CTIF: variants seen among roughly 807,000 people sequenced by gnomAD.
CTIF encodes CBP80/20-dependent translation initiation factor.
In CTIF, 21 loss-of-function variants were observed where a neutral mutation model predicts 66.0. The observed-to-expected ratio is 0.32, with a 90% CI of 0.23 to 0.46. The LOEUF is 0.46. Ranked by LOEUF, CTIF falls within the 20% of genes least tolerant of loss-of-function variation. The pLI is 1.00. For missense variants in CTIF, 739 were observed against 812.7 expected (o/e 0.91, Z 1.10); for synonymous variants, 345 against 326.4 (o/e 1.06, Z -0.62).
intron 1 of CTIF, among the ~76,000 whole-genome samples, chr18:48,549,037 G>A (rs2088822398): frequency 6.6e-6 from 1 of 152,120 alleles, no homozygotes; most frequent in African/African-American, 2.4e-5. Context: ...TATAAACTGA[G>A]GTTGTCCTGG....
At chr18:48,618,307 C>T (rs143860020) in intron 1 of CTIF, among the ~76,000 whole-genome samples, 11 of 152,358 alleles carry the variant, frequency 7.2e-5, no homozygotes, top group African/African-American at 2.4e-4. Context: ...GCAGCATTCA[C>T]GCTGCTCTAT....
rs1183286023 is a variant in CTIF at position 48,817,233 on chromosome 18, G to T, written c.1384G>T (p.Val462Leu). 5 of 1,613,652 alleles carry T rather than the reference G, an allele frequency of 3.1e-6. No individual in the cohort carries two copies. Among genetic ancestry groups the T allele is most frequent in the Non-Finnish European group, 4.2e-6 (5 of 1,179,932 alleles). Residue 462 changes from valine (V) to leucine (L), a missense_variant, in exon 10 of 12, where the codon GTG (valine) becomes TTG (leucine). Physicochemically the swap from Val to Leu is conservative, Grantham distance 32 (BLOSUM62 1). This residue lies in a region of CTIF where 210 missense variants were observed against 292.3 expected (regional missense o/e 0.72). Coordinates refer to ENST00000256413, the MANE Select transcript of CTIF (RefSeq NM_014772.3). ...LLNMLQKDFT[V>L]REELQQQDVE... ...CATGCCTCCACAGAAGGACTTCACG[G>T]TGCGCGAGGAGCTGCAGCAGCAGGA... is the stretch of plus-strand genomic sequence containing the variant.
chr18:48,688,015 T>A (rs1372592809), intron 6 of CTIF, among the ~76,000 whole-genome samples: 1 of 152,046 alleles, frequency 6.6e-6, no homozygotes, highest in Non-Finnish European at 1.5e-5. Context: ...AGCTTTAATC[T>A]CCTTACTTGG....
At chr18:48,758,927 C>T (rs1908686476) in intron 8 of CTIF, among the ~76,000 whole-genome samples, 1 of 152,178 alleles carries the variant, frequency 6.6e-6, no homozygotes, top group African/African-American at 2.4e-5. Context: ...CCGCCTTCAT[C>T]ACCCAGAGGC....
chr18:48,859,651 CGGGAGAAAGAAAT>C lies in CTIF; in HGVS notation c.*96_*108del. 8.1e-7 allele frequency: 1 copy of C among 1,239,226 alleles called. No homozygotes were observed. The highest frequency in any genetic ancestry group is 1.2e-6 in the Non-Finnish European group (1 of 848,470). 76.8% of individuals were successfully genotyped at this position (1,239,226 alleles called of 1,614,324 possible). A position where few individuals can be genotyped will look rare whatever the true frequency, so the allele number is the denominator to read the frequency against. On this transcript the variant is annotated 3_prime_UTR_variant, in exon 12 of 12. Coordinates refer to ENST00000256413, the MANE Select transcript of CTIF (RefSeq NM_014772.3). Reference sequence around the variant, plus strand: ...GGCGGGAGGACAGGGGTGGCCCTGGCGGGAGAAAGAAATGGGGAGGAGGGCAGGCAGAGTCGGT... The same window carrying C: ...GGCGGGAGGACAGGGGTGGCCCTGGCGGGGAGGAGGGCAGGCAGAGTCGGT...
At chr18:48,575,749 C>CT (rs1257170178) in intron 1 of CTIF, among the ~76,000 whole-genome samples, 2 of 152,250 alleles carry the variant, frequency 1.3e-5, no homozygotes, top group African/African-American at 4.8e-5. Flanking sequence ...ATGAAGGCTG[C>CT]TTTGTGCACA....
chr18:48,785,925 C>T (rs1399987926), intron 9 of CTIF, among the ~76,000 whole-genome samples: 1 of 152,174 alleles, frequency 6.6e-6, no homozygotes, highest in African/African-American at 2.4e-5. Context: ...CCACTGCCCC[C>T]ACCCATTTGG....
At chr18:48,609,670 G>A (rs906687138) in intron 1 of CTIF, among the ~76,000 whole-genome samples, 2 of 152,174 alleles carry the variant, frequency 1.3e-5, no homozygotes, top group Non-Finnish European at 2.9e-5. Context: ...TACGAGTGGG[G>A]GCAGTGAGGA....
intron 9 of CTIF, among the ~76,000 whole-genome samples, chr18:48,767,781 C>T (rs766930794): frequency 2.0e-5 from 3 of 152,140 alleles, no homozygotes; most frequent in Non-Finnish European, 2.9e-5. Context: ...AGCTAAAGAG[C>T]GGAGAAACTC....
chr18:48,713,816 A>G (rs2092253109), intron 7 of CTIF, among the ~76,000 whole-genome samples: 1 of 152,210 alleles, frequency 6.6e-6, no homozygotes, highest in South Asian at 2.1e-4. Flanking sequence ...TTTCAGCTAG[A>G]CCGAAGACAG....
chr18:48,839,998 T>G (rs1412085705), intron 10 of CTIF, among the ~76,000 whole-genome samples: 1 of 152,096 alleles, frequency 6.6e-6, no homozygotes, highest in African/African-American at 2.4e-5. Context: ...CTAGTCTAGG[T>G]AGATGCTAGA....
intron 3 of CTIF, among the ~76,000 whole-genome samples, chr18:48,651,065 G>T (rs1047880627): frequency 6.6e-6 from 1 of 152,164 alleles, no homozygotes; most frequent in African/African-American, 2.4e-5. Context: ...GACCATCGAG[G>T]CTAGGAAGAA....
At chr18:48,541,083 C>G (rs1037852404) in intron 1 of CTIF, among the ~76,000 whole-genome samples, 1 of 152,208 alleles carries the variant, frequency 6.6e-6, no homozygotes, top group African/African-American at 2.4e-5. Flanking sequence ...GGGGTGACCC[C>G]GCACCGAGGC....
At chr18:48,546,594 G>A (rs956089358) in intron 1 of CTIF, among the ~76,000 whole-genome samples, 2 of 152,164 alleles carry the variant, frequency 1.3e-5, no homozygotes, top group Admixed American at 6.5e-5. Context: ...CAGTGTGGAC[G>A]GTGAGCTCCA....
chr18:48,691,540 G>T (rs1031258547), intron 6 of CTIF, among the ~76,000 whole-genome samples: 1 of 152,146 alleles, frequency 6.6e-6, no homozygotes, highest in Non-Finnish European at 1.5e-5. Flanking sequence ...TTTGCCACCT[G>T]CACCAGATAG....
At chr18:48,615,383 C>A (rs2090379788) in intron 1 of CTIF, among the ~76,000 whole-genome samples, 1 of 152,220 alleles carries the variant, frequency 6.6e-6, no homozygotes, top group Non-Finnish European at 1.5e-5. Context: ...TTGCATGTTC[C>A]CCGCTTTTCT....
chr18:48,797,092 G>A (rs2067937723), intron 9 of CTIF, among the ~76,000 whole-genome samples: 1 of 152,174 alleles, frequency 6.6e-6, no homozygotes, highest in Non-Finnish European at 1.5e-5. Context: ...CCCGGTAGAT[G>A]ATTTCCCAGA....
chr18:48,663,273 G>T (rs552081884), intron 3 of CTIF, among the ~76,000 whole-genome samples: 1 of 152,324 alleles, frequency 6.6e-6, no homozygotes, highest in South Asian at 2.1e-4. Flanking sequence ...AACACTGGAG[G>T]ATCGGCTCGA....
intron 3 of CTIF, among the ~76,000 whole-genome samples, chr18:48,641,437 G>A (rs953062919): frequency 2.9e-4 from 44 of 152,314 alleles, no homozygotes; most frequent in African/African-American, 9.9e-4. Flanking sequence ...TGATGAGCAC[G>A]ACTGCCTATC....
Sources: gnomAD v4.1 joint callset for allele counts (sites outside exome capture counted in the v4.1 genomes callset) on GRCh38, gnomAD v4.1.1 for gene constraint, gnomAD v4.1.1 regional missense constraint, MANE v1.5 for transcripts, NCBI Gene and HGNC (gene_info 2026-07-23, HGNC 2026-07-21) for gene names.